Variants in TEX9 observed in about 807,000 individuals in gnomAD.
TEX9 encodes testis-expressed protein 9.
TEX9 carries 74 observed loss-of-function variants against 59.6 expected under a neutral mutation model. The ratio of observed to expected loss-of-function variants is 1.24; its 90% CI spans 1.03 to 1.51. The LOEUF (loss-of-function observed/expected upper bound fraction) is 1.51, where lower values mean the gene tolerates loss of function less well. TEX9 is among the 40% of genes most tolerant of loss of function. The probability of loss-of-function intolerance (pLI) is 0.00; values close to 1 mark genes in which losing one functional copy is unlikely to be tolerated. For missense variants in TEX9, 522 were observed against 447.8 expected, an observed-to-expected ratio of 1.17 and a Z score of -1.49; for synonymous variants, 186 against 152.2, an observed-to-expected ratio of 1.22 and a Z score of -1.64.
At chr15:56,253,762 T>C (rs565015532) in intron 1 of TEX9, among the ~76,000 whole-genome samples, 2 of 152,010 alleles carry the variant, frequency 1.3e-5, no homozygotes, top group Non-Finnish European at 2.9e-5. Flanking sequence ...CTGCCCAATG[T>C]ATAAGGTGGA....
chr15:56,341,778 A>T (rs2046376608), intron 1 of TEX9, among the ~76,000 whole-genome samples: 1 of 152,146 alleles, frequency 6.6e-6, no homozygotes, highest in African/African-American at 2.4e-5. Flanking sequence ...AAACATTGAT[A>T]TAAAAATATA....
At chr15:56,394,437 T>C in intron 8 of TEX9, 190 bp downstream of exon 8, 1 of 629,858 alleles carries the variant, frequency 1.6e-6, no homozygotes, top group East Asian at 2.9e-5. Flanking sequence ...TCTTAAATTC[T>C]TGCTACAATT....
At chr15:56,263,574 C>T (rs2044315521) in intron 1 of TEX9, among the ~76,000 whole-genome samples, 1 of 152,066 alleles carries the variant, frequency 6.6e-6, no homozygotes, top group South Asian at 2.1e-4. Context: ...AACTTCCATA[C>T]AGTAAAGTTC....
intron 1 of TEX9, among the ~76,000 whole-genome samples, chr15:56,285,713 A>C (rs2141477684): frequency 6.6e-6 from 1 of 152,316 alleles, no homozygotes; most frequent in African/African-American, 2.4e-5. Flanking sequence ...TTTCAGTATG[A>C]GCATTAGTTT....
intron 8 of TEX9, 43 bp from the exon 9 acceptor site, chr15:56,394,614 CAAAT>C: frequency 7.4e-7 from 1 of 1,342,368 alleles, no homozygotes; most frequent in Non-Finnish European, 1.0e-6. Flanking sequence ...GTTTTGATAA[CAAAT>C]CTTACATATT....
intron 1 of TEX9, among the ~76,000 whole-genome samples, chr15:56,315,872 A>T (rs1231920795): frequency 1.3e-5 from 2 of 149,174 alleles, no homozygotes; most frequent in Non-Finnish European, 3.0e-5. Flanking sequence ...TTTTCTCTAA[A>T]CTTCCCTTCT....
exon 12 of TEX9, chr15:56,428,465 T>G: frequency 6.5e-7 from 1 of 1,550,356 alleles, no homozygotes; most frequent in Non-Finnish European, 8.9e-7. Flanking sequence ...TCAGTTAGTC[T>G]CTATGACAGT....
At chr15:56,439,655 C>T (rs1442173737) in intron 12 of TEX9, among the ~76,000 whole-genome samples, 1 of 151,568 alleles carries the variant, frequency 6.6e-6, no homozygotes, top group Non-Finnish European at 1.5e-5. Context: ...AACAACTGAA[C>T]TAAATCCAAT....
intron 12 of TEX9, among the ~76,000 whole-genome samples, chr15:56,438,332 CTTTT>C (rs1177317562): frequency 1.3e-5 from 2 of 151,348 alleles, no homozygotes; most frequent in African/African-American, 4.8e-5. Flanking sequence ...ACCATCTGCT[CTTTT>C]TTTTTGTTAC....
intron 1 of TEX9, among the ~76,000 whole-genome samples, chr15:56,332,968 A>G (rs1185721485): frequency 6.6e-6 from 1 of 152,186 alleles, no homozygotes; most frequent in Admixed American, 6.6e-5. Context: ...AAATTGAACC[A>G]TGAAGAAATC....
At chr15:56,337,539 T>G (rs1338540517) in intron 1 of TEX9, among the ~76,000 whole-genome samples, 1 of 152,204 alleles carries the variant, frequency 6.6e-6, no homozygotes, top group East Asian at 1.9e-4. Flanking sequence ...ATATTAGCCT[T>G]TTTCATTGCC....
intron 1 of TEX9, among the ~76,000 whole-genome samples, chr15:56,266,898 C>T (rs2044398616): frequency 6.6e-6 from 1 of 152,120 alleles, no homozygotes; most frequent in Non-Finnish European, 1.5e-5. Context: ...GAGGAATTGC[C>T]ACACAGTCGT....
intron 1 of TEX9, among the ~76,000 whole-genome samples, chr15:56,279,355 G>A (rs1340600718): frequency 2.0e-5 from 3 of 152,142 alleles, no homozygotes; most frequent in Non-Finnish European, 4.4e-5. Flanking sequence ...TAAAAATTAA[G>A]ACTTATCTCT....
intron 1 of TEX9, among the ~76,000 whole-genome samples, chr15:56,347,192 C>A (rs1346239894): frequency 1.3e-5 from 2 of 152,154 alleles, no homozygotes; most frequent in Non-Finnish European, 2.9e-5. Flanking sequence ...ATTCCTGTCA[C>A]AATCCCAGCA....
intron 9 of TEX9, among the ~76,000 whole-genome samples, chr15:56,408,303 C>T (rs1246342788): frequency 1.3e-5 from 2 of 152,108 alleles, no homozygotes; most frequent in Non-Finnish European, 2.9e-5. Context: ...TCAGTTATTC[C>T]TCACATGAAT....
At chr15:56,426,185 G>C (rs2050232910) in intron 10 of TEX9, among the ~76,000 whole-genome samples, 2 of 152,008 alleles carry the variant, frequency 1.3e-5, no homozygotes, top group South Asian at 4.1e-4. Flanking sequence ...CATCAGTACT[G>C]AGTCAGGCAA....
chr15:56,381,172 C>G (rs945312612), intron 3 of TEX9, among the ~76,000 whole-genome samples: 5 of 152,048 alleles, frequency 3.3e-5, no homozygotes, highest in Non-Finnish European at 7.4e-5. Flanking sequence ...TCTGCTTGAT[C>G]AGTTCTGCTA....
the TEX9 span, among the ~76,000 whole-genome samples, chr15:56,454,677 C>G: frequency 6.6e-6 from 1 of 152,080 alleles, no homozygotes; most frequent in African/African-American, 2.4e-5. Flanking sequence ...TCCAGGCCAG[C>G]ATCTCCTCAC....
intron 1 of TEX9, among the ~76,000 whole-genome samples, chr15:56,294,406 G>C (rs2045170943): frequency 6.6e-6 from 1 of 151,864 alleles, no homozygotes; most frequent in Admixed American, 6.6e-5. Flanking sequence ...TTTTTTGTTT[G>C]TTGGCACATC....
Sources: allele counts gnomAD v4.1 joint callset (sites outside exome capture counted in the v4.1 genomes callset), GRCh38; gene constraint gnomAD v4.1.1; transcripts MANE v1.5; gene names NCBI Gene and HGNC (gene_info 2026-07-23, HGNC 2026-07-21).